CDKAL1: variants seen among roughly 807,000 people sequenced by gnomAD.
CDKAL1 encodes the protein threonylcarbamoyladenosine tRNA methylthiotransferase.
A neutral mutation model predicts 68.2 loss-of-function variants in CDKAL1; 32 were observed. The observed-to-expected ratio is 0.47, with a 90% CI of 0.35 to 0.63. CDKAL1 has a LOEUF of 0.63. CDKAL1 is among the 30% of genes least tolerant of loss of function. CDKAL1 has a pLI of 0.00. For synonymous variants in CDKAL1, 234 were observed against 244.3 expected (o/e 0.96, Z 0.39); for missense variants, 606 against 696.7 (o/e 0.87, Z 1.47).
chr6:20,994,692 T>G (rs1275097256), intron 10 of CDKAL1, among the ~76,000 whole-genome samples: 6 of 152,234 alleles, frequency 3.9e-5, no homozygotes, highest in African/African-American at 1.4e-4. Flanking sequence ...TCCTAGTGTA[T>G]GTAAAAGTTA....
intron 13 of CDKAL1, among the ~76,000 whole-genome samples, chr6:21,136,582 A>T (rs1022517526): frequency 2.0e-5 from 3 of 152,212 alleles, no homozygotes; most frequent in Non-Finnish European, 4.4e-5. Context: ...TTCATGCCTG[A>T]AAAAGGTCTG....
intron 15 of CDKAL1, among the ~76,000 whole-genome samples, chr6:21,203,213 T>C (rs1267618003): frequency 8.1e-6 from 1 of 124,062 alleles, no homozygotes; most frequent in African/African-American, 3.0e-5. Flanking sequence ...CCATCCTGGC[T>C]AATTTTTTTT....
At chr6:20,566,436 T>C (rs1334117234) in intron 4 of CDKAL1, among the ~76,000 whole-genome samples, 3 of 152,084 alleles carry the variant, frequency 2.0e-5, no homozygotes, top group Non-Finnish European at 2.9e-5. Flanking sequence ...ACAAGAAAAA[T>C]GTATCTCAGA....
chr6:21,226,616 C>CTGTT (rs1779757123), intron 15 of CDKAL1, among the ~76,000 whole-genome samples: 1 of 152,176 alleles, frequency 6.6e-6, no homozygotes, highest in African/African-American at 2.4e-5. Context: ...TTTCAAATTT[C>CTGTT]TGTTTTTAAA....
chr6:21,151,718 C>T (rs1046010144), intron 13 of CDKAL1, among the ~76,000 whole-genome samples: 1 of 152,108 alleles, frequency 6.6e-6, no homozygotes, highest in Non-Finnish European at 1.5e-5. Context: ...CACATTCTAT[C>T]GTGTAGTATC....
intron 5 of CDKAL1, among the ~76,000 whole-genome samples, chr6:20,698,396 A>G (rs931243334): frequency 2.6e-5 from 4 of 152,180 alleles, no homozygotes; most frequent in African/African-American, 9.7e-5. Flanking sequence ...CCGTTAACTC[A>G]ATGCCACATT....
chr6:21,097,029 G>A (rs1773350464), intron 12 of CDKAL1, among the ~76,000 whole-genome samples: 1 of 152,130 alleles, frequency 6.6e-6, no homozygotes, highest in African/African-American at 2.4e-5. Flanking sequence ...TAAAATTATT[G>A]GAAAGTAAAA....
intron 4 of CDKAL1, among the ~76,000 whole-genome samples, chr6:20,606,839 TTGTG>T (rs1306922223): frequency 1.3e-5 from 2 of 152,200 alleles, no homozygotes; most frequent in Non-Finnish European, 2.9e-5. Context: ...TTCTGGCTAT[TTGTG>T]TGAGTCTTCT....
chr6:21,056,791 T>G (rs553880839), intron 11 of CDKAL1, among the ~76,000 whole-genome samples: 1 of 152,244 alleles, frequency 6.6e-6, no homozygotes, highest in Non-Finnish European at 1.5e-5. Flanking sequence ...CGTGTGGTTT[T>G]TGTCTTTATT....
At chr6:21,211,116 C>T (rs1779132753) in intron 15 of CDKAL1, among the ~76,000 whole-genome samples, 1 of 152,160 alleles carries the variant, frequency 6.6e-6, no homozygotes, top group African/African-American at 2.4e-5. Flanking sequence ...TTTCAGACAA[C>T]TTCTACTACA....
chr6:20,630,934 C>T (rs1767648516), intron 4 of CDKAL1, among the ~76,000 whole-genome samples: 1 of 152,160 alleles, frequency 6.6e-6, no homozygotes, highest in African/African-American at 2.4e-5. Flanking sequence ...TGGGAAAATG[C>T]TATGCAAATG....
intron 5 of CDKAL1, among the ~76,000 whole-genome samples, chr6:20,735,133 G>A (rs1424784560): frequency 6.6e-6 from 1 of 152,164 alleles, no homozygotes; most frequent in East Asian, 1.9e-4. Flanking sequence ...GCCTCCCAAA[G>A]TGCTGGGATT....
intron 9 of CDKAL1, among the ~76,000 whole-genome samples, chr6:20,878,051 A>G (rs4712561): frequency 0.18 from 27,612 of 152,148 alleles, 2,764 homozygotes; most frequent in Middle Eastern, 0.28. Context: ...ACTTGCTCTA[A>G]TTTCTCCTAC....
chr6:21,086,995 C>A (rs917800223), intron 12 of CDKAL1, among the ~76,000 whole-genome samples: 1 of 152,124 alleles, frequency 6.6e-6, no homozygotes, highest in Admixed American at 6.5e-5. Context: ...CCTCTGTAGC[C>A]CAATAACTCT....
intron 9 of CDKAL1, among the ~76,000 whole-genome samples, chr6:20,899,579 C>T (rs780990013): frequency 3.3e-5 from 5 of 152,156 alleles, no homozygotes; most frequent in Non-Finnish European, 5.9e-5. Flanking sequence ...TGTGGTGGCT[C>T]ACGCCTGTAA....
chr6:21,062,601 G>A (rs569593808), intron 11 of CDKAL1, among the ~76,000 whole-genome samples: 2 of 152,168 alleles, frequency 1.3e-5, no homozygotes, highest in South Asian at 2.1e-4. Flanking sequence ...TATCATCATG[G>A]AGAAAAGTTC....
chr6:20,700,369 AAAAT>A (rs1554182601), intron 5 of CDKAL1, among the ~76,000 whole-genome samples: 1 of 149,882 alleles, frequency 6.7e-6, no homozygotes, highest in African/African-American at 2.5e-5. Flanking sequence ...AAAAAAAAAA[AAAAT>A]AAATAAAAGT....
chr6:20,732,739 A>C (rs905260818), intron 5 of CDKAL1, among the ~76,000 whole-genome samples: 2 of 151,632 alleles, frequency 1.3e-5, no homozygotes, highest in African/African-American at 4.9e-5. Context: ...CACAGTCACC[A>C]TTTTCTAATT....
At chr6:20,690,779 T>C (rs923814434) in intron 5 of CDKAL1, among the ~76,000 whole-genome samples, 2 of 152,178 alleles carry the variant, frequency 1.3e-5, no homozygotes, top group Admixed American at 1.3e-4. Context: ...TACTTTACCA[T>C]GTTCATAAAA....
Sources: allele counts gnomAD v4.1 joint callset (sites outside exome capture counted in the v4.1 genomes callset), GRCh38; gene constraint gnomAD v4.1.1; transcripts MANE v1.5; gene names NCBI Gene and HGNC (gene_info 2026-07-23, HGNC 2026-07-21).